LRRC14B: variants seen among roughly 807,000 people sequenced by gnomAD.
LRRC14B encodes leucine rich repeat containing 14B, also known as leucine-rich repeat-containing protein 14B.
Under a neutral mutation model 16.9 loss-of-function variants are expected in LRRC14B, and 23 were observed. The ratio of observed to expected loss-of-function variants is 1.36; its 90% CI spans 0.98 to 1.92. The LOEUF is 1.92. LRRC14B is among the 30% of genes most tolerant of loss of function. LRRC14B has a pLI of 0.00. For synonymous variants in LRRC14B, 358 were observed against 332.5 expected (o/e 1.08, Z -0.83); for missense variants, 766 against 705.7 (o/e 1.09, Z -0.97).
In LRRC14B at chr5:195,690, G is replaced by T. The variant is rs930992782; in HGVS notation, c.*337G>T. The T allele has an allele frequency of 2.0e-5, 7 of 354,552 alleles. No homozygotes were observed. Among genetic ancestry groups the T allele is most frequent in the Middle Eastern group, 8.7e-4 (1 of 1,148 alleles). 22.0% of individuals were successfully genotyped at this position (354,552 alleles called of 1,614,324 possible). ...GAGGAGTGGCCGACCTGGCCTCAGC[G>T]CATCTGGGCACTGGGCGCAAGATGA... On this transcript the variant is annotated 3_prime_UTR_variant, in exon 2 of 2. Transcript: ENST00000328278.
chr5:192,412 A>G lies in LRRC14B; in HGVS notation c.874A>G (p.Thr292Ala). The G allele has an allele frequency of 6.4e-7, 1 of 1,551,012 alleles. No homozygotes were observed. Among genetic ancestry groups the G allele is most frequent in the Non-Finnish European group, 8.7e-7 (1 of 1,145,850 alleles). Residue 292 changes from threonine (T) to alanine (A), a missense_variant, in exon 1 of 2, where the codon ACC (threonine) becomes GCC (alanine). Physicochemically the swap from Thr to Ala is moderately conservative, Grantham distance 58 (BLOSUM62 0). Coordinates refer to ENST00000328278, the MANE Select transcript of LRRC14B (RefSeq NM_001080478.3). ...GCTCAGTGTGGCCTTCTCCACGCTG[A>G]CCGGGAAGATCCCGACGCTGCTTGG... ...TELSVAFSTL[T>A]GKIPTLLGPL... is the part of the protein sequence containing the mutation.
In LRRC14B at chr5:195,038, C is replaced by G; in HGVS notation, c.1230C>G (p.Thr410=). 6.2e-7 allele frequency: 1 copy of G among 1,613,394 alleles called. No individual in the cohort carries two copies. The highest frequency in any genetic ancestry group is 8.5e-7 in the Non-Finnish European group (1 of 1,179,880). ...LSARALRRLF[T]ALCELPELRC... ...CCCGCGCCCTCCGGCGCCTCTTCAC[C>G]GCACTCTGTGAGCTCCCCGAGCTGC... is the stretch of plus-strand genomic sequence containing the variant. Residue 410 remains threonine (T), a synonymous_variant, in exon 2 of 2, where the codon ACC becomes ACG. Transcript: ENST00000328278.
intron 1 of LRRC14B, among the ~76,000 whole-genome samples, chr5:194,363 A>T (rs910301296): frequency 6.6e-6 from 1 of 152,096 alleles, no homozygotes; most frequent in African/African-American, 2.4e-5. Flanking sequence ...CAAACTTACC[A>T]TTTAGGTGCT....
rs377525916 is a variant in LRRC14B at position 194,710 on chromosome 5, C to G, written c.902C>G (p.Pro301Arg). Residue 301 changes from proline to arginine, a missense_variant and splice_region_variant, in exon 2 of 2, where the codon CCC (proline) becomes CGC (arginine). Pro to Arg is a moderately radical substitution (Grantham distance 103, BLOSUM62 -2). Coordinates refer to ENST00000328278, the MANE Select transcript of LRRC14B (RefSeq NM_001080478.3). ...GCTCTTTCCCCCGTGTCCTGCAGCC[C>G]CCTACAGACCCCGCTGCGAGTACTG... ...LTGKIPTLLG[P>R]LQTPLRVLDL... 145 of 1,603,052 alleles carry G rather than the reference C, an allele frequency of 9.0e-5. No individual in the cohort carries two copies. The highest frequency in any genetic ancestry group is 8.4e-4 in the African/African-American group (63 of 74,948).
chr5:191,966 G>A lies in LRRC14B; in HGVS notation c.428G>A (p.Cys143Tyr). ...GRTQLLARTC[C>Y]ELQAEPLAAG... ...ACCCAGCTGCTGGCCAGGACCTGCT[G>A]TGAGCTGCAGGCAGAGCCCCTCGCA... Residue 143 changes from cysteine to tyrosine, a missense_variant, in exon 1 of 2, where the codon TGT becomes TAT. Transcript: ENST00000328278. The A allele has an allele frequency of 1.3e-6, 2 of 1,529,198 alleles. No homozygotes were observed. The highest frequency in any genetic ancestry group is 2.0e-4 in the Middle Eastern group (1 of 4,946). 94.7% of individuals were successfully genotyped at this position (1,529,198 alleles called of 1,614,324 possible). A position where few individuals can be genotyped will look rare whatever the true frequency, so the allele number is the denominator to read the frequency against.
chr5:194,293 C>T (rs1000697452), intron 1 of LRRC14B, among the ~76,000 whole-genome samples: 3 of 152,278 alleles, frequency 2.0e-5, no homozygotes, highest in Admixed American at 2.0e-4. Flanking sequence ...TCTGAGTGGA[C>T]GTTCTCGTGG....
intron 1 of LRRC14B, 25 bp downstream of exon 1, chr5:192,462 G>A: frequency 6.7e-7 from 1 of 1,489,264 alleles, no homozygotes; most frequent in Non-Finnish European, 8.9e-7. Context: ...GGGGACTGAG[G>A]GCGGGCTGGT....
chr5:194,298 T>TGTCCTGTGGTCTCACTGCCCCCCGC (rs1733870012), intron 1 of LRRC14B, among the ~76,000 whole-genome samples: 2 of 152,282 alleles, frequency 1.3e-5, no homozygotes, highest in African/African-American at 2.4e-5. Flanking sequence ...GTGGACGTTC[T>TGTCCTGTGGTCTCACTGCCCCCCGC]CGTGGTCACA....
Position 191,643 on chromosome 5 carries a change from A to C in LRRC14B, c.105A>C (p.Pro35=), listed in dbSNP as rs1220979889. 5 of 1,608,656 alleles carry C rather than the reference A, an allele frequency of 3.1e-6. No individual in the cohort carries two copies. The highest frequency in any genetic ancestry group is 1.7e-5 in the Admixed American group (1 of 59,606). The change falls in exon 1 of 2, where the codon CCA becomes CCC. Residue 35 remains proline, a synonymous_variant. Transcript: ENST00000328278. The part of the protein sequence containing the change: ...SLDSVAHNLY[P]LLFKASYLLE... ...ACAGCGTGGCCCACAACCTCTACCCACTCCTGTTCAAAGCCAGCTACCTGC... is the reference window on the plus strand; with the variant it reads ...ACAGCGTGGCCCACAACCTCTACCCCCTCCTGTTCAAAGCCAGCTACCTGC...
At chr5:193,413 C>T (rs1346993460) in intron 1 of LRRC14B, among the ~76,000 whole-genome samples, 2 of 78,334 alleles carry the variant, frequency 2.6e-5, no homozygotes, top group Non-Finnish European at 4.9e-5. Flanking sequence ...GGGTGCCTGG[C>T]GGTGGGTTCT....
At chr5:192,584 C>A in intron 1 of LRRC14B, 147 bp downstream of exon 1, 1 of 874,578 alleles carries the variant, frequency 1.1e-6, no homozygotes, top group Non-Finnish European at 1.6e-6. Context: ...AGGACAGCGG[C>A]CCCGCCAAGG....
In LRRC14B at chr5:192,437, G is replaced by A; in HGVS notation, c.899G>A (p.Gly300Asp). ...TLTGKIPTLL[G>D]PLQTPLRVLD... ...ACCGGGAAGATCCCGACGCTGCTTG[G>A]GTGAGTCTTGGGGAGGGGACTGAGG... Residue 300 changes from glycine to aspartate, a missense_variant and splice_region_variant, in exon 1 of 2, where the codon GGC (glycine) becomes GAC (aspartate). Gly to Asp is a moderately conservative substitution (Grantham distance 94). Coordinates refer to ENST00000328278, the MANE Select transcript of LRRC14B (RefSeq NM_001080478.3). The A allele has an allele frequency of 1.3e-6, 2 of 1,527,194 alleles. No individual in the cohort carries two copies. Among genetic ancestry groups the A allele is most frequent in the Non-Finnish European group, 1.8e-6 (2 of 1,133,996 alleles). 94.6% of individuals were successfully genotyped at this position (1,527,194 alleles called of 1,614,324 possible).
chr5:192,388 C>G lies in LRRC14B; in HGVS notation c.850C>G (p.Leu284Val). The change falls in exon 1 of 2, where the codon CTC becomes GTC. Residue 284 changes from leucine to valine, a missense_variant. Physicochemically the swap from Leu to Val is conservative, Grantham distance 32 (BLOSUM62 1). Transcript: ENST00000328278. ...CAGCAAGATGGCGCAGCTCACTGAG[C>G]TCAGTGTGGCCTTCTCCACGCTGAC... ...ELSKMAQLTE[L>V]SVAFSTLTGK... 2 of 1,576,870 alleles carry G rather than the reference C, an allele frequency of 1.3e-6. No individual in the cohort carries two copies. The highest frequency in any genetic ancestry group is 1.2e-5 in the South Asian group (1 of 85,250).
rs767621877 is a variant in LRRC14B, at chr5:195,216, A to AG, written c.1408_1409insG (p.Ile470SerfsTer12). On this transcript the variant is annotated frameshift_variant, in exon 2 of 2. Transcript: ENST00000328278. LOFTEE classifies it high-confidence loss of function. ...GCTGCTGCGGGCTGACCGAGAGGACATCCAAGTCTCCACACCTCTCTTTGG... is the reference window on the plus strand; with the variant it reads ...GCTGCTGCGGGCTGACCGAGAGGACAGTCCAAGTCTCCACACCTCTCTTTGG... 1 of 1,613,748 alleles carries AG rather than the reference A, an allele frequency of 6.2e-7. No homozygotes were observed. Among genetic ancestry groups the AG allele is most frequent in the South Asian group, 1.1e-5 (1 of 91,082 alleles).
chr5:194,669 C>G, intron 1 of LRRC14B, 39 bp from the exon 2 acceptor site: 2 of 1,543,662 alleles, frequency 1.3e-6, no homozygotes, highest in Non-Finnish European at 1.7e-6. Context: ...CTTCCTGGGA[C>G]CCTCCTCTCA....
chr5:195,448 C>A lies in LRRC14B; in HGVS notation c.*95C>A. On this transcript the variant is annotated 3_prime_UTR_variant, in exon 2 of 2. Coordinates refer to ENST00000328278, the MANE Select transcript of LRRC14B (RefSeq NM_001080478.3). ...CTGAGGCTTGGGCCCGGCATTCATC[C>A]CCACCACCACCACCACCAAAAGCAG... 4 of 1,098,272 alleles carry A rather than the reference C, an allele frequency of 3.6e-6. No homozygotes were observed. Among genetic ancestry groups the A allele is most frequent in the African/African-American group, 1.6e-5 (1 of 63,570 alleles). The allele number at this position is 1,098,272 out of a possible 1,614,324, so 68.0% of individuals were successfully genotyped here. A position where few individuals can be genotyped will look rare whatever the true frequency, so the allele number is the denominator to read the frequency against.
At position 192,441 on chromosome 5, in the gene LRRC14B, A is replaced by G; in HGVS notation, c.899+4A>G. 1.3e-6 allele frequency: 2 copies of G among 1,513,922 alleles called. No individual in the cohort carries two copies. Among genetic ancestry groups the G allele is most frequent in the Non-Finnish European group, 1.8e-6 (2 of 1,128,562 alleles). The allele number at this position is 1,513,922 out of a possible 1,614,324, so 93.8% of individuals were successfully genotyped here. A position where few individuals can be genotyped will look rare whatever the true frequency, so the allele number is the denominator to read the frequency against. ...GGAAGATCCCGACGCTGCTTGGGTG[A>G]GTCTTGGGGAGGGGACTGAGGGCGG... On this transcript the variant is annotated splice_donor_region_variant and intron_variant, in intron 1 of 1. Transcript: ENST00000328278.
Position 192,021 on chromosome 5 carries a change from C to T in LRRC14B, c.483C>T (p.Asp161=), listed in dbSNP as rs1733809432. The T allele has an allele frequency of 6.5e-7, 1 of 1,537,290 alleles. No homozygotes were observed. Among genetic ancestry groups the T allele is most frequent in the South Asian group, 1.2e-5 (1 of 84,182 alleles). The change falls in exon 1 of 2, where the codon GAC becomes GAT. Residue 161 remains aspartate, a synonymous_variant. Transcript: ENST00000328278. The part of the protein sequence containing the change: ...AAGRPVEVLA[D]LFVTEGNFEA... ...GGCGCCCCGTCGAGGTCCTCGCCGA[C>T]CTCTTCGTCACTGAGGGCAACTTCG...
intron 1 of LRRC14B, among the ~76,000 whole-genome samples, chr5:193,680 C>T (rs1406890589): frequency 6.6e-6 from 1 of 151,008 alleles, no homozygotes; most frequent in Non-Finnish European, 1.5e-5. Flanking sequence ...TAGAGGTGCC[C>T]TGCGGTGGGA....
Sources: allele counts gnomAD v4.1 joint callset (sites outside exome capture counted in the v4.1 genomes callset), GRCh38; gene constraint gnomAD v4.1.1; transcripts MANE v1.5; gene names NCBI Gene and HGNC (gene_info 2026-07-23, HGNC 2026-07-21).